Variants in MRTFB observed in about 807,000 individuals in gnomAD.
MRTFB encodes the protein myocardin-related transcription factor B.
In MRTFB, 29 loss-of-function variants were observed where a neutral mutation model predicts 104.2. That is an observed-to-expected ratio of 0.28 (90% CI 0.21 to 0.38). MRTFB has a LOEUF of 0.38. Among genes scored for constraint, MRTFB ranks in the 10% least tolerant of loss-of-function variants. The pLI is 1.00. For missense variants in MRTFB, 1,270 were observed against 1,341.6 expected, an observed-to-expected ratio of 0.95 and a Z score of 0.83; for synonymous variants, 535 against 519.5, an observed-to-expected ratio of 1.03 and a Z score of -0.41.
At position 14,154,333 on chromosome 16, in the gene MRTFB, C is replaced by T. The variant is rs1366877906; in HGVS notation, c.154+13573C>T. Among the ~76,000 whole-genome samples, 7 of 151,894 alleles carry T rather than the reference C, an allele frequency of 4.6e-5. No homozygotes were observed. In the South Asian group the frequency reaches 8.3e-4, roughly 18 times the overall value. ...CTGGTGACAGAGCGAGACTCATCTC[C>T]GTTTTTGAAAAATTTTTTAAATGTT... On this transcript the variant is annotated intron_variant, in intron 3 of 16. Transcript: ENST00000571589.
chr16:14,218,613 TA>T (rs2041537681), intron 7 of MRTFB, among the ~76,000 whole-genome samples: 2 of 152,344 alleles, frequency 1.3e-5, no homozygotes, highest in African/African-American at 4.8e-5. Context: ...CCCAAAGTCT[TA>T]ATCTAATGCA....
At chr16:14,045,000 G>A in the MRTFB span, among the ~76,000 whole-genome samples, 1 of 152,096 alleles carries the variant, frequency 6.6e-6, no homozygotes, top group Admixed American at 6.5e-5. Context: ...TCTTTCTGGT[G>A]CCAAATTTCA....
the MRTFB span, among the ~76,000 whole-genome samples, chr16:14,003,012 G>A: frequency 6.6e-6 from 1 of 152,186 alleles, no homozygotes; most frequent in East Asian, 1.9e-4. Context: ...AGAGAGAAAA[G>A]ATGAGACAGG....
chr16:14,225,423 A>C (rs1266789154), intron 8 of MRTFB, among the ~76,000 whole-genome samples: 2 of 152,272 alleles, frequency 1.3e-5, no homozygotes, highest in South Asian at 4.1e-4. Context: ...GTTGTTATCA[A>C]TGTAAGATAG....
Position 14,240,376 on chromosome 16 carries a change from C to CT in MRTFB, c.972dup (p.Asn325Ter), listed in dbSNP as rs2042711736. On this transcript the variant is annotated frameshift_variant, in exon 10 of 17. Coordinates refer to ENST00000571589, the MANE Select transcript of MRTFB (RefSeq NM_001308142.2). LOFTEE classifies it high-confidence loss of function. The stretch of plus-strand genomic sequence containing the variant: ...GAGAAGAATGAGCCGCAGATGGACT[C>CT]TAACTACGCCCGCCTGCTCCAGCAG... 1.2e-6 allele frequency: 2 copies of CT among 1,614,216 alleles called. No homozygotes were observed. Among genetic ancestry groups the CT allele is most frequent in the Non-Finnish European group, 1.7e-6 (2 of 1,180,034 alleles).
At chr16:14,097,191 T>G (rs1409193455) in intron 2 of MRTFB, among the ~76,000 whole-genome samples, 1 of 152,218 alleles carries the variant, frequency 6.6e-6, no homozygotes, top group East Asian at 1.9e-4. Flanking sequence ...ATCCAGCACT[T>G]ACAACAATGC....
Position 14,245,609 on chromosome 16 carries a change from T to C in MRTFB, c.1161T>C (p.Ser387=), listed in dbSNP as rs778261310. 1.2e-6 allele frequency: 2 copies of C among 1,613,998 alleles called. No homozygotes were observed. Among genetic ancestry groups the C allele is most frequent in the African/African-American group, 2.7e-5 (2 of 74,930 alleles). ...CTAACACACCAAGACAGAATACATC[T>C]ACTCCTGTGAGAAAGCCAGGACCTC... ...ATPNTPRQNT[S]TPVRKPGPLP... is the part of the protein sequence containing the mutation. Residue 387 remains serine (S), a synonymous_variant, in exon 11 of 17, where the codon TCT becomes TCC. Transcript: ENST00000571589.
chr16:14,136,292 A>G (rs2037715782), intron 2 of MRTFB, among the ~76,000 whole-genome samples: 1 of 152,056 alleles, frequency 6.6e-6, no homozygotes, highest in African/African-American at 2.4e-5. Context: ...AAGAAAAAAA[A>G]AGTTCCTAAA....
At chr16:14,246,415 A>G (rs956197360) in intron 11 of MRTFB, 58 bp from the exon 12 acceptor site, 1 of 1,551,896 alleles carries the variant, frequency 6.4e-7, no homozygotes, top group Non-Finnish European at 8.8e-7. Context: ...ACAAAAGCGT[A>G]CTGTAGATTT....
chr16:14,252,571 C>G, intron 15 of MRTFB, 69 bp downstream of exon 15: 1 of 1,531,210 alleles, frequency 6.5e-7, no homozygotes, highest in Non-Finnish European at 8.8e-7. Flanking sequence ...TCGAGCAGAC[C>G]TATACAGAAT....
chr16:14,125,414 C>T (rs2037058826), intron 2 of MRTFB, among the ~76,000 whole-genome samples: 1 of 152,184 alleles, frequency 6.6e-6, no homozygotes, highest in Non-Finnish European at 1.5e-5. Context: ...AATCTGAATT[C>T]GGTTTAATGG....
At chr16:14,018,690 C>T in the MRTFB span, among the ~76,000 whole-genome samples, 2 of 152,190 alleles carry the variant, frequency 1.3e-5, no homozygotes, top group East Asian at 3.8e-4. Flanking sequence ...CACCAGTCCC[C>T]AGCACTAACA....
At chr16:14,017,683 G>A in the MRTFB span, among the ~76,000 whole-genome samples, 1 of 10,860 alleles carries the variant, frequency 9.2e-5, no homozygotes, top group Non-Finnish European at 3.7e-4. Flanking sequence ...GTGTGTGTGT[G>A]TGTGTATATA....
At chr16:14,025,570 C>T in the MRTFB span, among the ~76,000 whole-genome samples, 2 of 152,162 alleles carry the variant, frequency 1.3e-5, no homozygotes, top group South Asian at 4.1e-4. Context: ...GGAGCCCAGT[C>T]CTAGGTCATC....
chr16:14,246,056 G>C (rs867719395), intron 11 of MRTFB, among the ~76,000 whole-genome samples: 5 of 151,042 alleles, frequency 3.3e-5, no homozygotes, highest in Middle Eastern at 3.4e-3. Context: ...GAGTGCTTCA[G>C]CCTCTCTCTT....
rs758267981 is a variant in MRTFB, at chr16:14,261,022, G to A, written c.2878G>A (p.Val960Ile). The A allele has an allele frequency of 6.2e-7, 1 of 1,614,138 alleles. No homozygotes were observed. Among genetic ancestry groups the A allele is most frequent in the Non-Finnish European group, 8.5e-7 (1 of 1,180,046 alleles). ...AGTGGTGTCCCGGCCACCACCCCAAGTCCAAATGGCACCACCTGTATCTTT... is the reference window on the plus strand; with the variant it reads ...AGTGGTGTCCCGGCCACCACCCCAAATCCAAATGGCACCACCTGTATCTTT... ...NTVVSRPPPQ[V>I]QMAPPVSLEP... The change falls in exon 17 of 17, where the codon GTC becomes ATC. Residue 960 changes from valine to isoleucine, a missense_variant. Val to Ile is a conservative substitution (Grantham distance 29). This residue lies in a region of MRTFB where 1,144 missense variants were observed against 1,131.5 expected (regional missense o/e 1.01). Transcript: ENST00000571589.
intron 15 of MRTFB, among the ~76,000 whole-genome samples, chr16:14,255,834 C>A (rs115182942): frequency 0.015 from 2,288 of 151,898 alleles, 50 homozygotes; most frequent in African/African-American, 0.053. Flanking sequence ...AATAGAAAGG[C>A]CTGGCATGGC....
At chr16:14,030,325 C>T in the MRTFB span, among the ~76,000 whole-genome samples, 1 of 152,204 alleles carries the variant, frequency 6.6e-6, no homozygotes, top group African/African-American at 2.4e-5. Flanking sequence ...TCAGTGCTCT[C>T]CCCTCTGCCC....
At chr16:14,070,235 G>T (rs76373936), upstream of MRTFB, among the ~76,000 whole-genome samples, 1 of 152,228 alleles carries the variant, frequency 6.6e-6, no homozygotes, top group Admixed American at 6.5e-5. Flanking sequence ...GCTGGGCTCC[G>T]GACTCAGACC....
Sources: allele counts gnomAD v4.1 joint callset (sites outside exome capture counted in the v4.1 genomes callset), GRCh38; gene constraint gnomAD v4.1.1; regional missense constraint gnomAD v4.1.1; transcripts MANE v1.5; gene names NCBI Gene and HGNC (gene_info 2026-07-23, HGNC 2026-07-21).